Variants in CCDC14 observed in about 807,000 individuals in gnomAD.
The protein encoded by CCDC14 is coiled-coil domain-containing protein 14.
In CCDC14, 71 loss-of-function variants were observed where a neutral mutation model predicts 81.4. That is an observed-to-expected ratio of 0.87 (90% CI 0.72 to 1.06). The LOEUF (loss-of-function observed/expected upper bound fraction) is 1.06, where lower values mean the gene tolerates loss of function less well. Ranked by LOEUF, CCDC14 falls within the 50% of genes least tolerant of loss-of-function variation. The pLI is 0.00. For synonymous variants in CCDC14, 332 were observed against 364.8 expected, an observed-to-expected ratio of 0.91 and a Z score of 1.03; for missense variants, 1,046 against 1,047.3, an observed-to-expected ratio of 1.00 and a Z score of 0.02.
At chr3:123,953,628 G>C (rs550048561) in intron 5 of CCDC14, 10 of 152,312 alleles carry the variant, frequency 6.6e-5, no homozygotes, top group Admixed American at 4.6e-4. Context: ...TAGGGCTTCA[G>C]TTGGGTTCAA....
intron 10 of CCDC14, 68 bp from the exon 11 acceptor site, chr3:123,931,594 G>C (rs1577268094): frequency 1.8e-6 from 1 of 566,862 alleles, no homozygotes. Flanking sequence ...GAAAATACCT[G>C]TTTCTTAAAA....
the CCDC14 span, among the ~76,000 whole-genome samples, chr3:123,890,130 T>C: frequency 6.6e-6 from 1 of 152,078 alleles, no homozygotes; most frequent in African/African-American, 2.4e-5. Context: ...CCATTCACTA[T>C]CATGAGAACA....
chr3:123,933,509 C>CA lies in CCDC14; in HGVS notation c.1426+163dup, dbSNP rs565263161. On this transcript the variant is annotated intron_variant, in intron 10 of 12. Coordinates refer to ENST00000409697, the MANE Select transcript of CCDC14 (RefSeq NM_001366335.1). ...ACTCCTGTATTTCAAAACAAACAAA[C>CA]AAAAAAAGGTGTATATTATTGGGAA... 5.7e-4 allele frequency: 325 copies of CA among 574,936 alleles called. 2 individuals carry two copies. The highest frequency in any genetic ancestry group is 4.2e-3 in the South Asian group (179 of 42,548). The allele number at this position is 574,936 out of a possible 1,614,324, so 35.6% of individuals were successfully genotyped here. A position where few individuals can be genotyped will look rare whatever the true frequency, so the allele number is the denominator to read the frequency against.
At position 123,915,481 on chromosome 3, in the gene CCDC14, T is replaced by G; in HGVS notation, c.2016A>C (p.Pro672=). The G allele has an allele frequency of 6.2e-7, 1 of 1,614,028 alleles. No individual in the cohort carries two copies. Among genetic ancestry groups the G allele is most frequent in the Non-Finnish European group, 8.5e-7 (1 of 1,179,880 alleles). Residue 672 remains proline, a synonymous_variant, in exon 13 of 13, where the codon CCA becomes CCC. Transcript: ENST00000409697. ...ACAGAACATTTTCATAGGTTTTGTC[T>G]GGCTCTATGGTTTCCTCATTTTTAA... ...STIKNEETIE[P]DKTYENVLSS...
At chr3:123,930,140 A>C (rs1371521133) in intron 12 of CCDC14, among the ~76,000 whole-genome samples, 1 of 152,222 alleles carries the variant, frequency 6.6e-6, no homozygotes, top group East Asian at 1.9e-4. Flanking sequence ...CCTATGAAAT[A>C]TAAATGTGGA....
chr3:123,957,976 C>CTATTATAT (rs1197213538), intron 1 of CCDC14: 1 of 151,982 alleles, frequency 6.6e-6, no homozygotes, highest in African/African-American at 2.4e-5. Context: ...ATACGGCATT[C>CTATTATAT]TATTATATGC....
At chr3:123,885,998 C>T in the CCDC14 span, among the ~76,000 whole-genome samples, 1 of 152,174 alleles carries the variant, frequency 6.6e-6, no homozygotes, top group African/African-American at 2.4e-5. Flanking sequence ...TCTTAGATTT[C>T]TTTAATATCA....
chr3:123,899,761 T>C (rs1368650987), intron 5 of CCDC14, among the ~76,000 whole-genome samples: 1 of 152,208 alleles, frequency 6.6e-6, no homozygotes, highest in African/African-American at 2.4e-5. Context: ...GTTAACGAAG[T>C]CTCCTCTGTA....
At position 123,914,308 on chromosome 3, in the gene CCDC14, C is replaced by T; in HGVS notation, c.*471G>A. Reference sequence around the variant, plus strand: ...AATAAATGTTTATATATTTCACCAACAACACTGGCCTGTGGCACACAGCAT... The same window carrying T: ...AATAAATGTTTATATATTTCACCAATAACACTGGCCTGTGGCACACAGCAT... On this transcript the variant is annotated 3_prime_UTR_variant, in exon 13 of 13. Transcript: ENST00000409697. 14 of 984,402 alleles carry T rather than the reference C, an allele frequency of 1.4e-5. No homozygotes were observed. Among genetic ancestry groups the T allele is most frequent in the Non-Finnish European group, 1.7e-5 (14 of 829,122 alleles). 61.0% of individuals were successfully genotyped at this position (984,402 alleles called of 1,614,324 possible).
At chr3:123,926,268 C>G (rs1334518694) in intron 12 of CCDC14, among the ~76,000 whole-genome samples, 5 of 151,928 alleles carry the variant, frequency 3.3e-5, no homozygotes, top group Non-Finnish European at 5.9e-5. Flanking sequence ...TTAAAAATCT[C>G]TGTAAGAAAT....
intron 1 of CCDC14, chr3:123,957,528 T>C (rs2037400296): frequency 6.6e-6 from 1 of 152,116 alleles, no homozygotes; most frequent in Admixed American, 6.5e-5. Context: ...ACTGTCTTAA[T>C]TTTTCTTTTT....
chr3:123,949,058 G>T lies in CCDC14; in HGVS notation c.427C>A (p.Gln143Lys), dbSNP rs1409209413. Reference sequence around the variant, plus strand: ...TAATGATCTTGCAATGACCAGTTTTGCTCTAGGTCTGATGTGTCTCTTTCA... The same window carrying T: ...TAATGATCTTGCAATGACCAGTTTTTCTCTAGGTCTGATGTGTCTCTTTCA... ...RSERDTSDLE[Q>K]NWSLQDHYRM... The change falls in exon 6 of 13, where the codon CAA becomes AAA. Residue 143 changes from glutamine (Q) to lysine (K), a missense_variant. Coordinates refer to ENST00000409697, the MANE Select transcript of CCDC14 (RefSeq NM_001366335.1). 6.2e-7 allele frequency: 1 copy of T among 1,613,218 alleles called. No homozygotes were observed. The highest frequency in any genetic ancestry group is 1.3e-5 in the African/African-American group (1 of 74,896).
At chr3:123,915,743 AATT>A in intron 12 of CCDC14, 25 bp from the exon 13 acceptor site, 2 of 1,504,294 alleles carry the variant, frequency 1.3e-6, no homozygotes, top group Non-Finnish European at 1.8e-6. Context: ...CCAGAACACT[AATT>A]ATTATTTTTT....
intron 5 of CCDC14, chr3:123,952,812 C>A: frequency 4.1e-6 from 1 of 241,614 alleles, no homozygotes; most frequent in South Asian, 5.3e-5. Flanking sequence ...GTAAAGAGAA[C>A]AAGTTATGAG....
Position 123,944,963 on chromosome 3 carries a change from G to A in CCDC14, c.1229C>T (p.Thr410Ile). ...QEDSEIQRLI[T>I]EMEACISVLP... is the part of the protein sequence containing the mutation. The stretch of plus-strand genomic sequence containing the variant: ...TACAGATATACATGCCTCCATTTCT[G>A]TAATCAACCTCTGAATTTCTGAATC... The change falls in exon 9 of 13, where the codon ACA becomes ATA. Residue 410 changes from threonine to isoleucine, a missense_variant. Physicochemically the swap from Thr to Ile is moderately conservative, Grantham distance 89 (BLOSUM62 -1). Coordinates refer to ENST00000409697, the MANE Select transcript of CCDC14 (RefSeq NM_001366335.1). 1 of 1,603,900 alleles carries A rather than the reference G, an allele frequency of 6.2e-7. No individual in the cohort carries two copies. The highest frequency in any genetic ancestry group is 1.7e-4 in the Middle Eastern group (1 of 6,022).
intron 9 of CCDC14, among the ~76,000 whole-genome samples, chr3:123,941,674 T>C (rs373432658): frequency 1.3e-5 from 2 of 152,018 alleles, no homozygotes; most frequent in Non-Finnish European, 2.9e-5. Flanking sequence ...ACAGTGGCAA[T>C]AGCATGCTAT....
At chr3:123,961,118 G>A (rs1214877360) in intron 1 of CCDC14, 26 bp downstream of exon 1, 6 of 1,537,708 alleles carry the variant, frequency 3.9e-6, no homozygotes, top group Non-Finnish European at 5.3e-6. Context: ...TCCCCACAGC[G>A]GACTCCTCAG....
chr3:123,907,073 C>A (rs949047931), intron 5 of CCDC14, among the ~76,000 whole-genome samples: 1 of 152,144 alleles, frequency 6.6e-6, no homozygotes, highest in Non-Finnish European at 1.5e-5. Flanking sequence ...AAACTTTTGT[C>A]TACTTGATGG....
chr3:123,944,240 G>A lies in CCDC14; in HGVS notation c.1343+609C>T, dbSNP rs184938882. Among the ~76,000 whole-genome samples the A allele has an allele frequency of 5.9e-4, 90 of 152,224 alleles. 1 individual carries two copies. The highest frequency in any genetic ancestry group is 3.2e-4 in the Non-Finnish European group (22 of 67,994). Reference sequence around the variant, plus strand: ...TGTCGATTGCTGTGGTGTGAGAGCAGAAGAAAAACAGTTTGCTTTTAACAT... The same window carrying A: ...TGTCGATTGCTGTGGTGTGAGAGCAAAAGAAAAACAGTTTGCTTTTAACAT... On this transcript the variant is annotated intron_variant, in intron 9 of 12. Coordinates refer to ENST00000409697, the MANE Select transcript of CCDC14 (RefSeq NM_001366335.1).
Sources: gnomAD v4.1 joint callset for allele counts (sites outside exome capture counted in the v4.1 genomes callset) on GRCh38, gnomAD v4.1.1 for gene constraint, MANE v1.5 for transcripts, NCBI Gene and HGNC (gene_info 2026-07-23, HGNC 2026-07-21) for gene names.